The following KCNMA1 variants were observed in gnomAD, a reference collection of about 807,000 sequenced individuals.
KCNMA1 encodes the protein potassium calcium-activated channel subfamily M alpha 1.
A neutral mutation model predicts 140.0 loss-of-function variants in KCNMA1; 29 were observed. The ratio of observed to expected loss-of-function variants is 0.21; its 90% CI spans 0.15 to 0.28. The LOEUF is 0.28. Among genes scored for constraint, KCNMA1 ranks in the 10% least tolerant of loss-of-function variants. The pLI is 1.00. For missense variants in KCNMA1, 880 were observed against 1,602.2 expected (o/e 0.55, Z 7.70); for synonymous variants, 612 against 611.9 (o/e 1.00, Z 0.00).
intron 18 of KCNMA1, 48 bp downstream of exon 18, chr10:77,011,919 G>T: frequency 6.7e-7 from 1 of 1,498,190 alleles, no homozygotes; most frequent in Non-Finnish European, 9.3e-7. Context: ...AGGAATTTGG[G>T]GAATAGGAAT....
intron 2 of KCNMA1, among the ~76,000 whole-genome samples, chr10:77,305,491 C>G (rs181942007): frequency 4.9e-4 from 74 of 152,272 alleles, no homozygotes; most frequent in African/African-American, 1.7e-3. Context: ...CTACCCAGTT[C>G]TCTCTGACCT....
At chr10:77,295,736 G>C (rs1375081430) in intron 2 of KCNMA1, among the ~76,000 whole-genome samples, 1 of 129,802 alleles carries the variant, frequency 7.7e-6, no homozygotes, top group Non-Finnish European at 1.6e-5. Context: ...AGCCGAGATT[G>C]CGCCACTGCA....
intron 1 of KCNMA1, among the ~76,000 whole-genome samples, chr10:77,594,827 C>T (rs991595199): frequency 3.9e-5 from 6 of 152,164 alleles, no homozygotes; most frequent in South Asian, 2.1e-4. Flanking sequence ...CCTTCACACA[C>T]GATCCTGCTC....
At chr10:77,381,870 CT>C (rs1294093014) in intron 2 of KCNMA1, among the ~76,000 whole-genome samples, 1 of 152,208 alleles carries the variant, frequency 6.6e-6, no homozygotes, top group Non-Finnish European at 1.5e-5. Context: ...AGCAAGGATG[CT>C]GGGCAACCCG....
At chr10:77,283,459 C>A (rs2069457320) in intron 2 of KCNMA1, among the ~76,000 whole-genome samples, 1 of 152,186 alleles carries the variant, frequency 6.6e-6, no homozygotes, top group Non-Finnish European at 1.5e-5. Context: ...CTGTCAGGCA[C>A]AACAGCTTGA....
intron 2 of KCNMA1, among the ~76,000 whole-genome samples, chr10:77,313,637 A>T (rs547494086): frequency 6.6e-6 from 1 of 152,314 alleles, no homozygotes; most frequent in East Asian, 1.9e-4. Flanking sequence ...AAACCTAATC[A>T]GTGTCCCTGT....
chr10:77,273,660 G>A, intron 2 of KCNMA1, among the ~76,000 whole-genome samples: 1 of 152,208 alleles, frequency 6.6e-6, no homozygotes, highest in Admixed American at 6.5e-5. Context: ...GTGAGCAGAG[G>A]AGAGGACAGT....
At chr10:77,387,436 C>G (rs2095642256) in intron 2 of KCNMA1, among the ~76,000 whole-genome samples, 1 of 152,144 alleles carries the variant, frequency 6.6e-6, no homozygotes, top group African/African-American at 2.4e-5. Context: ...GGAATGTGAC[C>G]TAGAACAGGT....
intron 1 of KCNMA1, among the ~76,000 whole-genome samples, chr10:77,468,610 G>A (rs1022272600): frequency 6.6e-6 from 1 of 152,064 alleles, no homozygotes; most frequent in Non-Finnish European, 1.5e-5. Flanking sequence ...TCCTGGAACC[G>A]ATCCTTCCTT....
In KCNMA1 at chr10:77,075,718, A is replaced by G. The variant is rs117230855; in HGVS notation, c.1594-2466T>C. ...TGTGCCCTCTTTTTTTGGATATTAT[A>G]TTTTCTCCAACGCAGGGAAGGAGTG... On this transcript the variant is annotated intron_variant, in intron 13 of 27. Coordinates refer to ENST00000286628, the MANE Select transcript of KCNMA1 (RefSeq NM_001161352.2). 1.8e-3 allele frequency among the ~76,000 whole-genome samples: 279 copies of G among 152,150 alleles called. 7 individuals are homozygous for G. The East Asian group carries it at 0.048, about 26-fold the overall frequency.
chr10:77,375,864 T>G (rs562151158), intron 2 of KCNMA1, among the ~76,000 whole-genome samples: 1 of 152,288 alleles, frequency 6.6e-6, no homozygotes, highest in African/African-American at 2.4e-5. Context: ...CAGGCCATCT[T>G]GGTGCTCTTG....
At chr10:76,947,911 A>T (rs1181627318) in intron 22 of KCNMA1, among the ~76,000 whole-genome samples, 1 of 152,232 alleles carries the variant, frequency 6.6e-6, no homozygotes, top group Non-Finnish European at 1.5e-5. Context: ...TTGGAAGCTG[A>T]TAACAGAAAT....
chr10:77,320,167 C>T (rs1383407163), intron 2 of KCNMA1, among the ~76,000 whole-genome samples: 4 of 152,108 alleles, frequency 2.6e-5, no homozygotes, highest in Non-Finnish European at 5.9e-5. Context: ...GACTCATCAA[C>T]ATATTTTTTC....
intron 21 of KCNMA1, among the ~76,000 whole-genome samples, chr10:76,950,241 C>T (rs1323469810): frequency 1.3e-5 from 2 of 152,158 alleles, no homozygotes; most frequent in African/African-American, 2.4e-5. Context: ...TCCAATGCTG[C>T]CTTGGACTTT....
At chr10:77,304,724 G>A (rs546565223) in intron 2 of KCNMA1, among the ~76,000 whole-genome samples, 3 of 152,310 alleles carry the variant, frequency 2.0e-5, no homozygotes, top group Admixed American at 6.5e-5. Flanking sequence ...GTGCAGCCCT[G>A]AGCAACCAAT....
At chr10:77,448,549 T>C (rs1252634502) in intron 1 of KCNMA1, among the ~76,000 whole-genome samples, 2 of 152,274 alleles carry the variant, frequency 1.3e-5, no homozygotes, top group South Asian at 2.1e-4. Flanking sequence ...ATAAAACTGA[T>C]CAGCAGCGAC....
chr10:77,475,072 G>A (rs998943355), intron 1 of KCNMA1, among the ~76,000 whole-genome samples: 2 of 152,192 alleles, frequency 1.3e-5, no homozygotes, highest in African/African-American at 4.8e-5. Flanking sequence ...GGAGCTAGGA[G>A]CTTTCGTTCC....
chr10:77,214,337 C>T, intron 3 of KCNMA1, among the ~76,000 whole-genome samples: 1 of 152,148 alleles, frequency 6.6e-6, no homozygotes, highest in Non-Finnish European at 1.5e-5. Flanking sequence ...CATTAAAAGT[C>T]ACATAAAAGA....
chr10:77,052,316 G>A (rs998820481), intron 14 of KCNMA1, among the ~76,000 whole-genome samples: 3 of 152,160 alleles, frequency 2.0e-5, no homozygotes, highest in Admixed American at 6.5e-5. Flanking sequence ...GATGATAAGG[G>A]AGAAGTTGAT....
Sources: allele counts gnomAD v4.1 joint callset (sites outside exome capture counted in the v4.1 genomes callset), GRCh38; gene constraint gnomAD v4.1.1; transcripts MANE v1.5; gene names NCBI Gene and HGNC (gene_info 2026-07-23, HGNC 2026-07-21).